Variants in TNRC6A observed in about 807,000 individuals in gnomAD.
TNRC6A encodes the protein trinucleotide repeat containing adaptor 6A, also known as trinucleotide repeat-containing gene 6A protein.
A neutral mutation model predicts 221.2 loss-of-function variants in TNRC6A; 44 were observed. The ratio of observed to expected loss-of-function variants is 0.20; its 90% CI spans 0.16 to 0.26. TNRC6A has a LOEUF of 0.26. Among genes scored for constraint, TNRC6A ranks in the 10% least tolerant of loss-of-function variants. TNRC6A has a pLI of 1.00. For missense variants in TNRC6A, 2,199 were observed against 2,404.4 expected, an observed-to-expected ratio of 0.91 and a Z score of 1.79; for synonymous variants, 847 against 838.5, an observed-to-expected ratio of 1.01 and a Z score of -0.18.
At chr16:24,648,411 C>T (rs1262672088) in intron 2 of TNRC6A, among the ~76,000 whole-genome samples, 1 of 151,904 alleles carries the variant, frequency 6.6e-6, no homozygotes, top group Non-Finnish European at 1.5e-5. Context: ...GCTAGGACTA[C>T]AGGTGCCCAC....
At chr16:24,635,518 A>G (rs1398742719) in intron 1 of TNRC6A, among the ~76,000 whole-genome samples, 1 of 152,104 alleles carries the variant, frequency 6.6e-6, no homozygotes, top group African/African-American at 2.4e-5. Flanking sequence ...CCTGACCTCA[A>G]GTAATTCGCC....
At chr16:24,785,456 A>C (rs2151820533) in intron 5 of TNRC6A, among the ~76,000 whole-genome samples, 1 of 152,298 alleles carries the variant, frequency 6.6e-6, no homozygotes, top group East Asian at 1.9e-4. Context: ...TATTCCTGTT[A>C]CTTTATGGCT....
chr16:24,700,398 G>C lies in TNRC6A; in HGVS notation n.403-50328G>C, dbSNP rs193212640. ...CTACAGACGCATGCCACCATGCCCG[G>C]CTAATTTTTGTATTTTTAGTAGAGA... On this transcript the variant is annotated intron_variant and non_coding_transcript_variant, in intron 2 of 2. Transcript: ENST00000566108. Among the ~76,000 whole-genome samples, 155 of 152,102 alleles carry C rather than the reference G, an allele frequency of 1.0e-3. 2 individuals carry two copies. In the East Asian group the frequency reaches 0.025, roughly 25 times the overall value.
rs1204274930 is a variant in TNRC6A at position 24,797,540 on chromosome 16, T to C, written c.3612T>C (p.Phe1204=). ...AAGAAGAAGCGTGGATAAATCCATT[T>C]GTTAAACAGTTTTCAAACATCAGTT... ...NKQEEAWINP[F]VKQFSNISFS... is the part of the protein sequence containing the mutation. Residue 1204 remains phenylalanine, a synonymous_variant, in exon 10 of 25, where the codon TTT becomes TTC. Transcript: ENST00000395799. 6.2e-7 allele frequency: 1 copy of C among 1,612,220 alleles called. No homozygotes were observed. Among genetic ancestry groups the C allele is most frequent in the Admixed American group, 1.7e-5 (1 of 59,610 alleles).
intron 4 of TNRC6A, among the ~76,000 whole-genome samples, chr16:24,774,169 A>G (rs997637590): frequency 6.6e-6 from 1 of 152,210 alleles, no homozygotes; most frequent in African/African-American, 2.4e-5. Flanking sequence ...ATTTTTAACT[A>G]CACATAAACC....
At chr16:24,723,560 C>T (rs1008087608) in intron 2 of TNRC6A, among the ~76,000 whole-genome samples, 6 of 148,460 alleles carry the variant, frequency 4.0e-5, no homozygotes, top group African/African-American at 1.2e-4. Context: ...TACCACTGCA[C>T]TCCAGACTGG....
chr16:24,669,374 A>T (rs150067523), intron 2 of TNRC6A, among the ~76,000 whole-genome samples: 2 of 152,012 alleles, frequency 1.3e-5, no homozygotes, highest in African/African-American at 4.8e-5. Flanking sequence ...CTGTAGTCCC[A>T]GCTACTCAGG....
intron 1 of TNRC6A, among the ~76,000 whole-genome samples, chr16:24,618,946 A>G (rs1017560887): frequency 8.5e-5 from 13 of 152,158 alleles, no homozygotes; most frequent in Non-Finnish European, 1.9e-4. Flanking sequence ...TTTGTAATAT[A>G]CTGAATAGTA....
chr16:24,794,840 T>G (rs545574416), intron 8 of TNRC6A, 121 bp downstream of exon 8: 2 of 850,420 alleles, frequency 2.4e-6, no homozygotes, highest in Admixed American at 3.4e-5. Context: ...GCCCCCACCT[T>G]AGGTATAGCC....
intron 1 of TNRC6A, among the ~76,000 whole-genome samples, chr16:24,618,021 C>T (rs923464722): frequency 2.0e-5 from 3 of 152,194 alleles, no homozygotes; most frequent in Admixed American, 6.6e-5. Context: ...CCTCAGCCAT[C>T]TTAGTAGCTG....
chr16:24,729,883 G>C, intron 1 of TNRC6A, 37 bp downstream of exon 1: 1 of 1,251,642 alleles, frequency 8.0e-7, no homozygotes, highest in Non-Finnish European at 1.0e-6. Context: ...GGCGGGAGGA[G>C]CCGCGGGCGC....
chr16:24,718,845 T>A (rs1455105214), intron 2 of TNRC6A, among the ~76,000 whole-genome samples: 1 of 151,858 alleles, frequency 6.6e-6, no homozygotes, highest in Non-Finnish European at 1.5e-5. Flanking sequence ...GAGACCAGCC[T>A]GTCCAATATG....
intron 2 of TNRC6A, among the ~76,000 whole-genome samples, chr16:24,687,122 C>T (rs531679213): frequency 4.6e-4 from 70 of 152,278 alleles, no homozygotes; most frequent in African/African-American, 1.3e-3. Context: ...CGCTAACTCA[C>T]GGAACCCTGT....
At position 24,686,836 on chromosome 16, in the gene TNRC6A, C is replaced by A. The variant is rs111292357; in HGVS notation, n.402+45827C>A. On this transcript the variant is annotated intron_variant and non_coding_transcript_variant, in intron 2 of 2. Transcript: ENST00000566108. ...TGGATTCCCCTCCTAAACCCCCTGG[C>A]CTTAGATAAATCTCACCCTGAGCCT... 3.7e-3 allele frequency among the ~76,000 whole-genome samples: 562 copies of A among 152,230 alleles called. 5 individuals are homozygous for A. The highest frequency in any genetic ancestry group is 0.013 in the African/African-American group (528 of 41,558).
intron 11 of TNRC6A, among the ~76,000 whole-genome samples, chr16:24,801,185 A>G (rs1308712366): frequency 6.6e-6 from 1 of 152,186 alleles, no homozygotes; most frequent in African/African-American, 2.4e-5. Context: ...TTAGATGTGG[A>G]TGATAGTGTA....
intron 2 of TNRC6A, among the ~76,000 whole-genome samples, chr16:24,682,471 G>A (rs1457870375): frequency 6.7e-6 from 1 of 149,490 alleles, no homozygotes; most frequent in African/African-American, 2.5e-5. Flanking sequence ...CAAGCGGTCT[G>A]CCTGCCTCGG....
intron 2 of TNRC6A, among the ~76,000 whole-genome samples, chr16:24,666,504 G>A (rs1023899058): frequency 2.0e-5 from 3 of 147,344 alleles, no homozygotes; most frequent in Non-Finnish European, 3.0e-5. Context: ...GATGGGCATT[G>A]TGACACATGC....
chr16:24,722,226 C>A (rs1484909526), intron 2 of TNRC6A, among the ~76,000 whole-genome samples: 1 of 152,070 alleles, frequency 6.6e-6, no homozygotes, highest in Non-Finnish European at 1.5e-5. Flanking sequence ...GCCTGAGCAA[C>A]ACAGCAAGAA....
At chr16:24,815,399 G>C (rs759751933) in intron 19 of TNRC6A, 94 bp downstream of exon 19, 3 of 1,418,052 alleles carry the variant, frequency 2.1e-6, no homozygotes, top group East Asian at 4.9e-5. Flanking sequence ...CCAGATCGGC[G>C]TGCTTAGACT....
Sources: allele counts gnomAD v4.1 joint callset (sites outside exome capture counted in the v4.1 genomes callset), GRCh38; gene constraint gnomAD v4.1.1; transcripts MANE v1.5; gene names NCBI Gene and HGNC (gene_info 2026-07-23, HGNC 2026-07-21).